Variants in SEPTIN6 observed in about 807,000 individuals in gnomAD.
SEPTIN6 encodes the protein septin 6, also known as septin-6.
SEPTIN6 carries 8 observed loss-of-function variants against 33.6 expected under a neutral mutation model. The ratio of observed to expected loss-of-function variants is 0.24; its 90% CI spans 0.14 to 0.43. The LOEUF is 0.43. Ranked by LOEUF, SEPTIN6 falls within the 20% of genes least tolerant of loss-of-function variation. The pLI, the probability that SEPTIN6 is intolerant of heterozygous loss-of-function variation, is 1.00. For missense variants in SEPTIN6, 250 were observed against 340.8 expected (o/e 0.73, Z 2.10); for synonymous variants, 131 against 140.0 (o/e 0.94, Z 0.45).
At chrX:119,692,380 G>C (rs1209889403) in intron 1 of SEPTIN6, among the ~76,000 whole-genome samples, 1 of 109,595 alleles carries the variant, frequency 9.1e-6, no homozygotes, top group Admixed American at 9.8e-5. Context: ...CAAGCAGACA[G>C]AGAGGCGTTC....
chrX:119,625,523 A>T (rs947056119), intron 9 of SEPTIN6, 144 bp from the exon 10 acceptor site: 7 of 486,612 alleles, frequency 1.4e-5, no homozygotes, highest in Non-Finnish European at 2.5e-5. Flanking sequence ...GACTGGTAGG[A>T]ACCCCTGAAA....
intron 1 of SEPTIN6, among the ~76,000 whole-genome samples, 144 bp downstream of exon 1, chrX:119,692,923 TGAGCTGCTG>T (rs1171524859): frequency 8.9e-6 from 1 of 112,690 alleles, no homozygotes; most frequent in Non-Finnish European, 1.9e-5. Context: ...GCTGAGGGAC[TGAGCTGCTG>T]ACCCCGGGAG....
chrX:119,665,402 C>T (rs748372772), intron 2 of SEPTIN6, among the ~76,000 whole-genome samples: 2 of 112,147 alleles, frequency 1.8e-5, no homozygotes, highest in East Asian at 2.8e-4. Flanking sequence ...CCGTGCCCGG[C>T]CCTTATCCTT....
chrX:119,661,964 C>T (rs1184354549), intron 3 of SEPTIN6, among the ~76,000 whole-genome samples: 1 of 112,066 alleles, frequency 8.9e-6, no homozygotes, highest in Non-Finnish European at 1.9e-5. Flanking sequence ...TCTTGAATTC[C>T]TGACTTCAAG....
Position 119,629,370 on chromosome X carries a change from C to T in SEPTIN6, c.1228G>A (p.Gly410Ser). 1.7e-6 allele frequency: 2 copies of T among 1,211,682 alleles called. No individual in the cohort carries two copies. Among genetic ancestry groups the T allele is most frequent in the South Asian group, 3.5e-5 (2 of 57,025 alleles). The change falls in exon 9 of 11, where the codon GGC becomes AGC. Residue 410 changes from glycine to serine, a missense_variant. By Grantham distance (56) the Gly-to-Ser change is moderately conservative (BLOSUM62 0). Around this residue, in one of 2 missense-constraint regions of SEPTIN6, gnomAD observed 139 missense variants for 227.0 expected, o/e 0.61. Coordinates refer to ENST00000394610, the MANE Select transcript of SEPTIN6 (RefSeq NM_145799.4). ...GTCTGTGAGCCTCCAGCCTGGGAGC[C>T]CTGGGACTGGAGCAGCTCAGCCGCC... ...KTAAELLQSQ[G>S]SQAGGSQTLK...
intron 1 of SEPTIN6, among the ~76,000 whole-genome samples, chrX:119,687,896 T>C (rs1234295160): frequency 8.9e-6 from 1 of 112,249 alleles, no homozygotes; most frequent in Non-Finnish European, 1.9e-5. Context: ...ATCACTCTGC[T>C]ATAATGTAGT....
In SEPTIN6 at chrX:119,675,657, G is replaced by A; in HGVS notation, c.42C>T (p.Cys14=). ...TDIARQVGEG[C]RTVPLAGHVG... Reference sequence around the variant, plus strand: ...CATGTCCAGCCAGGGGGACAGTTCGGCAACCTTCACCCTAATTTGGAAGGA... The same window carrying A: ...CATGTCCAGCCAGGGGGACAGTTCGACAACCTTCACCCTAATTTGGAAGGA... Residue 14 remains cysteine (C), a synonymous_variant, in exon 2 of 11, where the codon TGC becomes TGT. Coordinates refer to ENST00000394610, the MANE Select transcript of SEPTIN6 (RefSeq NM_145799.4). 1 of 1,116,052 alleles carries A rather than the reference G, an allele frequency of 9.0e-7. No homozygotes were observed. Among genetic ancestry groups the A allele is most frequent in the Non-Finnish European group, 1.2e-6 (1 of 838,772 alleles). The allele number at this position is 1,116,052 out of a possible 1,213,427, so 92.0% of individuals were successfully genotyped here.
rs2053710807 is a variant in SEPTIN6, at chrX:119,619,281, CAAG to C, written c.*809_*811del. ...CCCCCCGAGATGCTGAAATACCTCA[CAAG>C]AAGAATTCGGTAAGGCTATCATTCA... is the stretch of plus-strand genomic sequence containing the variant. On this transcript the variant is annotated 3_prime_UTR_variant, in exon 11 of 11. Transcript: ENST00000394610. The C allele has an allele frequency of 1.2e-6, 1 of 815,326 alleles. No individual in the cohort carries two copies. The highest frequency in any genetic ancestry group is 1.5e-6 in the Non-Finnish European group (1 of 677,485). 67.2% of individuals were successfully genotyped at this position (815,326 alleles called of 1,213,427 possible). A position where few individuals can be genotyped will look rare whatever the true frequency, so the allele number is the denominator to read the frequency against.
chrX:119,639,970 A>ATTT lies in SEPTIN6; in HGVS notation c.787+719_787+721dup, dbSNP rs10643733. 7.2e-4 allele frequency among the ~76,000 whole-genome samples: 70 copies of ATTT among 96,930 alleles called. 2 individuals are homozygous for ATTT. The highest frequency in any genetic ancestry group is 1.0e-3 in the South Asian group (2 of 1,982). 84.2% of individuals were successfully genotyped at this position (96,930 alleles called of 115,157 possible). Reference sequence around the variant, plus strand: ...AGGCACATGCCACCATACCTGACTAATTTTTTTTTTTTTGTATTTTTAGTA... The same window carrying ATTT: ...AGGCACATGCCACCATACCTGACTAATTTTTTTTTTTTTTTTGTATTTTTAGTA... On this transcript the variant is annotated intron_variant, in intron 6 of 10. Coordinates refer to ENST00000394610, the MANE Select transcript of SEPTIN6 (RefSeq NM_145799.4).
chrX:119,639,192 G>A (rs1285266948), intron 6 of SEPTIN6, among the ~76,000 whole-genome samples: 2 of 112,098 alleles, frequency 1.8e-5, no homozygotes, highest in East Asian at 5.6e-4. Flanking sequence ...CCTAAAACAT[G>A]CCAGCCTTCG....
At position 119,617,739 on chromosome X, in the gene SEPTIN6, T is replaced by C; in HGVS notation, c.*2354A>G. On this transcript the variant is annotated 3_prime_UTR_variant, in exon 11 of 11. Coordinates refer to ENST00000394610, the MANE Select transcript of SEPTIN6 (RefSeq NM_145799.4). ...TCTGGCTTCTGCCTCGAAACAGAAG[T>C]GGGACCTCGGTCAAGTCCCTTCCCT... The C allele has an allele frequency of 1.3e-6, 1 of 773,593 alleles. No individual in the cohort carries two copies. Among genetic ancestry groups the C allele is most frequent in the Non-Finnish European group, 1.6e-6 (1 of 640,717 alleles). The allele number at this position is 773,593 out of a possible 1,213,427, so 63.8% of individuals were successfully genotyped here.
intron 1 of SEPTIN6, among the ~76,000 whole-genome samples, chrX:119,682,362 CA>C (rs1485883885): frequency 9.0e-6 from 1 of 111,561 alleles, no homozygotes; most frequent in Non-Finnish European, 1.9e-5. Context: ...AGCTTTGCAG[CA>C]GGGGTAATTA....
chrX:119,622,431 G>A (rs2053784503), intron 10 of SEPTIN6, among the ~76,000 whole-genome samples: 1 of 111,550 alleles, frequency 9.0e-6, no homozygotes, highest in Non-Finnish European at 1.9e-5. Flanking sequence ...AGGAGGGGGC[G>A]GGTTGCCTTT....
intron 1 of SEPTIN6, among the ~76,000 whole-genome samples, chrX:119,680,555 T>C (rs758626286): frequency 1.2e-4 from 13 of 110,534 alleles, no homozygotes; most frequent in South Asian, 7.7e-4. Context: ...TGTTACCCAG[T>C]GTCCAATACA....
At chrX:119,637,647 A>ATCTG (rs2054089009) in intron 6 of SEPTIN6, among the ~76,000 whole-genome samples, 3 of 94,013 alleles carry the variant, frequency 3.2e-5, no homozygotes, top group Non-Finnish European at 4.3e-5. Context: ...TCATCCATCC[A>ATCTG]TCTATCTATC....
intron 2 of SEPTIN6, among the ~76,000 whole-genome samples, chrX:119,668,724 A>C (rs766525227): frequency 8.9e-6 from 1 of 111,939 alleles, no homozygotes; most frequent in Non-Finnish European, 1.9e-5. Flanking sequence ...AGGTTGAAGC[A>C]GGAGGATCAG....
At chrX:119,616,632 G>A (rs1292982812), downstream of SEPTIN6, 3 of 1,004,328 alleles carry the variant, frequency 3.0e-6, no homozygotes, top group Admixed American at 4.8e-5. Flanking sequence ...TTTGAGGGGA[G>A]AGGAAATTGG....
chrX:119,659,733 G>A (rs1305475693), intron 3 of SEPTIN6, among the ~76,000 whole-genome samples: 1 of 111,551 alleles, frequency 9.0e-6, no homozygotes, highest in East Asian at 2.8e-4. Context: ...TAAGTACCTT[G>A]TTCAAGATCC....
chrX:119,676,563 AGTTTGAGACCAGC>A (rs2054845458), intron 1 of SEPTIN6, among the ~76,000 whole-genome samples: 1 of 111,957 alleles, frequency 8.9e-6, no homozygotes, highest in East Asian at 2.8e-4. Context: ...TGAGGCCAAG[AGTTTGAGACCAGC>A]CTGGGCAACA....
Sources: gnomAD v4.1 joint callset for allele counts (sites outside exome capture counted in the v4.1 genomes callset) on GRCh38, gnomAD v4.1.1 for gene constraint, gnomAD v4.1.1 regional missense constraint, MANE v1.5 for transcripts, NCBI Gene and HGNC (gene_info 2026-07-23, HGNC 2026-07-21) for gene names.